Variants in PIGN observed in about 807,000 individuals in gnomAD.
PIGN encodes phosphatidylinositol glycan anchor biosynthesis class N, also known as GPI ethanolamine phosphate transferase 1.
In PIGN, 117 loss-of-function variants were observed where a neutral mutation model predicts 125.4. The observed-to-expected ratio is 0.93, with a 90% CI of 0.80 to 1.09. PIGN has a LOEUF of 1.09. Ranked by LOEUF, PIGN falls within the 50% of genes least tolerant of loss-of-function variation. PIGN has a pLI of 0.00. For missense variants in PIGN, 1,075 were observed against 1,094.9 expected (o/e 0.98, Z 0.26); for synonymous variants, 392 against 377.8 (o/e 1.04, Z -0.44).
chr18:62,154,791 A>G, intron 6 of PIGN, 140 bp from the exon 7 acceptor site: 1 of 611,164 alleles, frequency 1.6e-6, no homozygotes, highest in Middle Eastern at 4.3e-4. Context: ...GAAGAGAAAA[A>G]TGGGAGGAAT....
chr18:62,039,102 T>C (rs2030300209), downstream of PIGN, among the ~76,000 whole-genome samples: 1 of 151,930 alleles, frequency 6.6e-6, no homozygotes, highest in Admixed American at 6.6e-5. Context: ...AAAAAACCAG[T>C]GAACCACCCC....
At chr18:62,027,606 G>A (rs1041160667) in intron 23 of PIGN, among the ~76,000 whole-genome samples, 10 of 152,206 alleles carry the variant, frequency 6.6e-5, no homozygotes, top group Non-Finnish European at 2.9e-5. Flanking sequence ...CTCTCCAAAG[G>A]AGGCAACCAG....
rs1459363849 is a variant in PIGN, at chr18:62,050,497, T to C, written c.2673-4518A>G. Among the ~76,000 whole-genome samples the C allele has an allele frequency of 3.3e-5, 5 of 151,952 alleles. No homozygotes were observed. In the East Asian group the frequency reaches 9.7e-4, roughly 29 times the overall value. ...GGAGTTCACTCATGATTTGGCTCTC[T>C]GTTTGTCTGTTGTTGGTGTATAAGA... On this transcript the variant is annotated intron_variant, in intron 30 of 30. Transcript: ENST00000640252.
At position 62,042,818 on chromosome 18, in the gene PIGN, G is replaced by A. The variant is rs1320291262; in HGVS notation, c.*3038C>T. ...AGTCTCAGCTACTCAGGAGGCTGAG[G>A]TGGCAGGATCACTTGAGCCCAGGAG... On this transcript the variant is annotated 3_prime_UTR_variant, in exon 31 of 31. Coordinates refer to ENST00000640252, the MANE Select transcript of PIGN (RefSeq NM_176787.5). 1 of 151,976 alleles carries A rather than the reference G, an allele frequency of 6.6e-6. No homozygotes were observed. The highest frequency in any genetic ancestry group is 1.9e-4 in the East Asian group (1 of 5,192). The allele number at this position is 151,976 out of a possible 1,614,324, so 9.4% of individuals were successfully genotyped here.
At position 62,089,521 on chromosome 18, in the gene PIGN, A is replaced by G. The variant is rs148036284; in HGVS notation, c.2284-679T>C. 3.1e-3 allele frequency among the ~76,000 whole-genome samples: 473 copies of G among 152,308 alleles called. 1 individual carries two copies. Among genetic ancestry groups the G allele is most frequent in the African/African-American group, 0.011 (447 of 41,588 alleles). Reference sequence around the variant, plus strand: ...AATACATTTGCTTTTAGTTAAAAACATAGAATTTAAAAAGTAACACAATAA... The same window carrying G: ...AATACATTTGCTTTTAGTTAAAAACGTAGAATTTAAAAAGTAACACAATAA... On this transcript the variant is annotated intron_variant, in intron 24 of 30. Coordinates refer to ENST00000640252, the MANE Select transcript of PIGN (RefSeq NM_176787.5).
intron 15 of PIGN, 75 bp downstream of exon 15, chr18:62,114,486 C>G: frequency 1.1e-6 from 1 of 885,656 alleles, no homozygotes; most frequent in Non-Finnish European, 1.8e-6. Flanking sequence ...GGCCTGCCTA[C>G]TTTGCTCTAT....
intron 4 of PIGN, among the ~76,000 whole-genome samples, chr18:62,159,796 C>T (rs1001047928): frequency 3.0e-4 from 30 of 100,128 alleles, no homozygotes; most frequent in Non-Finnish European, 5.3e-4. Flanking sequence ...TCTCATGGAA[C>T]TTTCATGATG....
At chr18:62,085,613 T>C (rs1206512046) in intron 25 of PIGN, among the ~76,000 whole-genome samples, 1 of 152,150 alleles carries the variant, frequency 6.6e-6, no homozygotes, top group Non-Finnish European at 1.5e-5. Context: ...ATAGATATTT[T>C]CAGCTGAGAG....
At chr18:62,109,134 C>T (rs1405139590) in intron 17 of PIGN, among the ~76,000 whole-genome samples, 1 of 152,052 alleles carries the variant, frequency 6.6e-6, no homozygotes, top group South Asian at 2.1e-4. Context: ...AAAATAGAAA[C>T]CAATAAGATC....
chr18:62,118,364 C>T (rs1599562086), intron 14 of PIGN, among the ~76,000 whole-genome samples: 1 of 151,884 alleles, frequency 6.6e-6, no homozygotes, highest in African/African-American at 2.4e-5. Flanking sequence ...AATGCTCCCA[C>T]CAAGAACAAC....
chr18:62,113,175 A>G lies in PIGN; in HGVS notation c.1393T>C (p.Ser465Pro), dbSNP rs762814104. The change falls in exon 16 of 31, where the codon TCT (serine) becomes CCT (proline). Residue 465 changes from serine to proline, a missense_variant. Ser to Pro is a moderately conservative substitution (Grantham distance 74). Around this residue, in one of 3 missense-constraint regions of PIGN, gnomAD observed 915 missense variants for 908.7 expected, o/e 1.01. Transcript: ENST00000640252. The stretch of plus-strand genomic sequence containing the variant: ...ACACCTTTTATAAGGTTGGAATGAG[A>G]CTTGATGATCAACAAAGAGGCATAA... ...ISYASLLIIK[S>P]HSNLIKGVSK... 3 of 1,612,130 alleles carry G rather than the reference A, an allele frequency of 1.9e-6. No homozygotes were observed. Among genetic ancestry groups the G allele is most frequent in the Non-Finnish European group, 1.7e-6 (2 of 1,179,022 alleles).
At position 62,046,046 on chromosome 18, in the gene PIGN, T is replaced by G; in HGVS notation, c.2673-67A>C. 3.3e-6 allele frequency: 5 copies of G among 1,512,116 alleles called. No homozygotes were observed. In the Middle Eastern group the frequency reaches 5.1e-4, roughly 154 times the overall value. 93.7% of individuals were successfully genotyped at this position (1,512,116 alleles called of 1,614,324 possible). On this transcript the variant is annotated intron_variant, in intron 30 of 30. Transcript: ENST00000640252. ...GGTGAGGAAAATCATGAGATTCCTCTGAATGGTTTTAAATGGACAGATGAA... is the reference window on the plus strand; with the variant it reads ...GGTGAGGAAAATCATGAGATTCCTCGGAATGGTTTTAAATGGACAGATGAA...
chr18:62,021,637 C>CA (rs2030055979), intron 23 of PIGN, among the ~76,000 whole-genome samples: 1 of 152,224 alleles, frequency 6.6e-6, no homozygotes, highest in Non-Finnish European at 1.5e-5. Flanking sequence ...CAGGTGCCCC[C>CA]ACCAGGATTT....
chr18:62,088,664 T>C, intron 25 of PIGN, 92 bp downstream of exon 25: 3 of 739,138 alleles, frequency 4.1e-6, no homozygotes, highest in Non-Finnish European at 4.8e-6. Context: ...TTAACACCAC[T>C]ATTAAGTGAT....
At chr18:62,110,851 T>C (rs1406079113) in intron 16 of PIGN, among the ~76,000 whole-genome samples, 2 of 147,844 alleles carry the variant, frequency 1.4e-5, no homozygotes, top group Non-Finnish European at 3.0e-5. Flanking sequence ...AAAAAATATA[T>C]ATATAATACA....
At chr18:62,047,178 A>G (rs1286100068) in intron 30 of PIGN, among the ~76,000 whole-genome samples, 1 of 152,278 alleles carries the variant, frequency 6.6e-6, no homozygotes, top group Non-Finnish European at 1.5e-5. Context: ...CTATTCCAGC[A>G]TAGGCTGAGT....
chr18:62,156,984 A>C (rs2036760171), intron 6 of PIGN, 145 bp downstream of exon 6: 3 of 518,934 alleles, frequency 5.8e-6, no homozygotes, highest in Non-Finnish European at 6.8e-6. Context: ...AAATACTGTA[A>C]TTAAACATCC....
At chr18:62,080,240 T>G (rs2033383629) in intron 28 of PIGN, among the ~76,000 whole-genome samples, 1 of 152,172 alleles carries the variant, frequency 6.6e-6, no homozygotes, top group African/African-American at 2.4e-5. Context: ...CTTTCAGATC[T>G]TATATGGTTG....
chr18:62,037,000 C>T (rs1467831803), downstream of PIGN, among the ~76,000 whole-genome samples: 1 of 152,176 alleles, frequency 6.6e-6, no homozygotes, highest in African/African-American at 2.4e-5. Context: ...TATCCCCACT[C>T]TGCTTGACTA....
Sources: allele counts gnomAD v4.1 joint callset (sites outside exome capture counted in the v4.1 genomes callset), GRCh38; gene constraint gnomAD v4.1.1; regional missense constraint gnomAD v4.1.1; transcripts MANE v1.5; gene names NCBI Gene and HGNC (gene_info 2026-07-23, HGNC 2026-07-21).